Variants in GRM5 observed in about 807,000 individuals in gnomAD.
The protein encoded by GRM5 is glutamate metabotropic receptor 5.
A neutral mutation model predicts 83.1 loss-of-function variants in GRM5; 19 were observed. The observed-to-expected ratio is 0.23, with a 90% CI of 0.16 to 0.34. The LOEUF (loss-of-function observed/expected upper bound fraction) is 0.34. Among genes scored for constraint, GRM5 ranks in the 10% least tolerant of loss-of-function variants. The pLI, the probability that GRM5 is intolerant of heterozygous loss-of-function variation, is 1.00. For missense variants in GRM5, 1,160 were observed against 1,588.3 expected (o/e 0.73, Z 4.58); for synonymous variants, 675 against 633.6 (o/e 1.07, Z -0.98).
Position 88,590,628 on chromosome 11 carries a change from C to G in GRM5, c.1663G>C (p.Gly555Arg). The part of the protein sequence containing the change: ...DEYTCKACQL[G>R]SWPTDDLTGC... ...GTGAGATCATCAGTGGGCCAAGACC[C>G]CAGTTGGCATGCCTTGCATGTGTAC... is the stretch of plus-strand genomic sequence containing the variant. Residue 555 changes from glycine (G) to arginine (R), a missense_variant, in exon 7 of 10, where the codon GGG (glycine) becomes CGG (arginine). Gly to Arg is a moderately radical substitution (Grantham distance 125, BLOSUM62 -2). This residue lies in a region of GRM5 where 132 missense variants were observed against 245.5 expected (regional missense o/e 0.54). Transcript: ENST00000305447. The G allele has an allele frequency of 6.2e-7, 1 of 1,610,910 alleles. No individual in the cohort carries two copies. The highest frequency in any genetic ancestry group is 8.5e-7 in the Non-Finnish European group (1 of 1,177,136).
intron 8 of GRM5, among the ~76,000 whole-genome samples, chr11:88,557,244 G>A (rs1348481711): frequency 2.0e-5 from 3 of 152,132 alleles, no homozygotes; most frequent in Non-Finnish European, 4.4e-5. Flanking sequence ...AAGATCCAAT[G>A]AGATAACAGA....
chr11:88,556,025 A>C (rs1591345139), intron 8 of GRM5, among the ~76,000 whole-genome samples: 1 of 152,156 alleles, frequency 6.6e-6, no homozygotes, highest in South Asian at 2.1e-4. Flanking sequence ...CCCTGAGGAA[A>C]GTTTGACTTC....
intron 2 of GRM5, among the ~76,000 whole-genome samples, chr11:88,864,804 C>A (rs1355802987): frequency 2.6e-5 from 4 of 151,896 alleles, no homozygotes; most frequent in African/African-American, 9.7e-5. Flanking sequence ...CTGTGGGTTT[C>A]TCATAAATAG....
intron 4 of GRM5, among the ~76,000 whole-genome samples, chr11:88,624,512 G>T (rs1447146845): frequency 6.6e-6 from 1 of 152,138 alleles, no homozygotes; most frequent in Non-Finnish European, 1.5e-5. Context: ...GAGGGAAACT[G>T]AAACAAGAAA....
At chr11:88,674,027 C>T (rs911943916) in intron 3 of GRM5, among the ~76,000 whole-genome samples, 6 of 151,702 alleles carry the variant, frequency 4.0e-5, no homozygotes, top group Non-Finnish European at 4.4e-5. Context: ...CAAACAAGTA[C>T]GAGGGAAGAA....
chr11:88,778,316 C>T (rs1942902048), intron 3 of GRM5, among the ~76,000 whole-genome samples: 1 of 152,240 alleles, frequency 6.6e-6, no homozygotes, highest in African/African-American at 2.4e-5. Context: ...GGGAAAAGCA[C>T]AGTATTTTGG....
At chr11:88,744,631 C>T (rs1266254690) in intron 3 of GRM5, among the ~76,000 whole-genome samples, 1 of 152,172 alleles carries the variant, frequency 6.6e-6, no homozygotes, top group Non-Finnish European at 1.5e-5. Context: ...AGGAAATTAA[C>T]GCTTCACAGC....
chr11:88,784,820 G>C (rs138398283), intron 3 of GRM5, among the ~76,000 whole-genome samples: 1 of 151,972 alleles, frequency 6.6e-6, no homozygotes, highest in South Asian at 2.1e-4. Flanking sequence ...AGGGCTGCCC[G>C]TCTTTGGGAA....
rs1565312983 is a variant in GRM5, at chr11:88,505,055, A to G, written c.*3537T>C. Reference sequence around the variant, plus strand: ...TTTGTTCACATTGGGAAGATCAGTGAAATTCAACCAACTATTTTATACATG... The same window carrying G: ...TTTGTTCACATTGGGAAGATCAGTGGAATTCAACCAACTATTTTATACATG... On this transcript the variant is annotated 3_prime_UTR_variant, in exon 10 of 10. Transcript: ENST00000305447. The G allele has an allele frequency of 1.3e-5, 2 of 152,164 alleles. No homozygotes were observed. The highest frequency in any genetic ancestry group is 4.8e-5 in the African/African-American group (2 of 41,452). 9.4% of individuals were successfully genotyped at this position (152,164 alleles called of 1,614,324 possible). A position where few individuals can be genotyped will look rare whatever the true frequency, so the allele number is the denominator to read the frequency against.
At chr11:88,688,355 C>T (rs1307393843) in intron 3 of GRM5, among the ~76,000 whole-genome samples, 2 of 152,108 alleles carry the variant, frequency 1.3e-5, no homozygotes, top group Non-Finnish European at 2.9e-5. Flanking sequence ...ATTGGGGTAT[C>T]AGAGGATATT....
chr11:88,845,727 C>G (rs1395348529), intron 3 of GRM5, among the ~76,000 whole-genome samples: 1 of 33,708 alleles, frequency 3.0e-5, no homozygotes, highest in East Asian at 6.0e-4. Context: ...ACCACCGCGC[C>G]CCCCCCCACT....
At chr11:88,930,876 T>C (rs1937680504) in intron 2 of GRM5, among the ~76,000 whole-genome samples, 1 of 151,964 alleles carries the variant, frequency 6.6e-6, no homozygotes, top group Admixed American at 6.6e-5. Flanking sequence ...TCCTTAATGG[T>C]AGAGAACAAA....
At chr11:88,988,465 A>G (rs1442935225) in intron 2 of GRM5, among the ~76,000 whole-genome samples, 1 of 152,194 alleles carries the variant, frequency 6.6e-6, no homozygotes, top group Non-Finnish European at 1.5e-5. Context: ...AACTTCCCCA[A>G]TCTAACAAGG....
At chr11:88,941,461 AG>A (rs1938091652) in intron 2 of GRM5, among the ~76,000 whole-genome samples, 3 of 115,074 alleles carry the variant, frequency 2.6e-5, no homozygotes, top group Non-Finnish European at 5.3e-5. Flanking sequence ...GGAGAAGAGA[AG>A]AGAAGAGAAG....
At chr11:88,983,773 GAA>G (rs1377757829) in intron 2 of GRM5, among the ~76,000 whole-genome samples, 7 of 151,892 alleles carry the variant, frequency 4.6e-5, no homozygotes, top group African/African-American at 1.7e-4. Flanking sequence ...ACGTATTCCA[GAA>G]TAAGGCATTT....
intron 4 of GRM5, among the ~76,000 whole-genome samples, chr11:88,649,215 C>A (rs1305931477): frequency 7.3e-6 from 1 of 136,960 alleles, no homozygotes; most frequent in Non-Finnish European, 1.5e-5. Context: ...TACACATATA[C>A]ACATATATGT....
At chr11:88,891,229 G>A (rs1204805927) in intron 2 of GRM5, among the ~76,000 whole-genome samples, 1 of 152,202 alleles carries the variant, frequency 6.6e-6, no homozygotes, top group South Asian at 2.1e-4. Context: ...TAACGCAAAG[G>A]TAAAATTTGG....
intron 2 of GRM5, among the ~76,000 whole-genome samples, chr11:89,023,749 C>A (rs1377274154): frequency 6.6e-6 from 1 of 151,808 alleles, no homozygotes; most frequent in East Asian, 1.9e-4. Context: ...ACTTGGGAGG[C>A]TGAGGCAGGA....
rs114854390 is a variant in GRM5 at position 88,570,727 on chromosome 11, C to T, written c.1691-2735G>A. ...CCTGAGCTGGGATTACAGGCACTCC[C>T]GGCTAATTTTTTTGTATATTTAGTA... On this transcript the variant is annotated intron_variant, in intron 7 of 9. Coordinates refer to ENST00000305447, the MANE Select transcript of GRM5 (RefSeq NM_001143831.3). Among the ~76,000 whole-genome samples the T allele has an allele frequency of 7.0e-3, 1,049 of 150,486 alleles. 15 individuals are homozygous for T. Among genetic ancestry groups the T allele is most frequent in the African/African-American group, 0.024 (997 of 40,862 alleles).
Sources: allele counts gnomAD v4.1 joint callset (sites outside exome capture counted in the v4.1 genomes callset), GRCh38; gene constraint gnomAD v4.1.1; regional missense constraint gnomAD v4.1.1; transcripts MANE v1.5; gene names NCBI Gene and HGNC (gene_info 2026-07-23, HGNC 2026-07-21).